The following EEIG2 variants were observed in gnomAD, a reference collection of about 807,000 sequenced individuals.
EEIG2 encodes EEIG family member 2.
chr1:108,610,409 C>G, the EEIG2 span, among the ~76,000 whole-genome samples: 666 of 152,214 alleles, frequency 4.4e-3, 2 homozygotes, highest in African/African-American at 0.015. Flanking sequence ...GTTAAGTGCT[C>G]TTTTGATTGC....
the EEIG2 span, among the ~76,000 whole-genome samples, chr1:108,561,701 C>T: frequency 6.6e-6 from 1 of 152,218 alleles, no homozygotes; most frequent in Admixed American, 6.5e-5. Flanking sequence ...TGTGGTGACA[C>T]ATCAGTGGAT....
the EEIG2 span, chr1:108,636,952 T>C: frequency 1.3e-5 from 2 of 152,216 alleles, no homozygotes; most frequent in African/African-American, 4.8e-5. Flanking sequence ...ATATTTTTAT[T>C]GGTGCTGTGC....
At chr1:108,615,403 C>A in the EEIG2 span, among the ~76,000 whole-genome samples, 12 of 152,208 alleles carry the variant, frequency 7.9e-5, no homozygotes, top group African/African-American at 2.6e-4. Flanking sequence ...CCCATAAGAA[C>A]ATAAAGAGGT....
the EEIG2 span, chr1:108,560,437 G>A: frequency 6.2e-7 from 1 of 1,607,840 alleles, no homozygotes; most frequent in Non-Finnish European, 8.5e-7. Context: ...CGATGATGAA[G>A]AAGAAGAAGT....
At chr1:108,593,121 G>A in the EEIG2 span, among the ~76,000 whole-genome samples, 12 of 152,232 alleles carry the variant, frequency 7.9e-5, 1 homozygote, top group South Asian at 2.3e-3. Flanking sequence ...TCACACCACT[G>A]CACTCAGCCT....
At chr1:108,601,558 T>A in the EEIG2 span, among the ~76,000 whole-genome samples, 13,215 of 151,736 alleles carry the variant, frequency 0.087, 668 homozygotes, top group Middle Eastern at 0.2. Flanking sequence ...TATAAACATT[T>A]TATGCATTAC....
At chr1:108,628,492 T>G in the EEIG2 span, 1 of 1,614,064 alleles carries the variant, frequency 6.2e-7, no homozygotes, top group South Asian at 1.1e-5. Flanking sequence ...TTGAAAGTAT[T>G]CTAGAGCCAT....
At chr1:108,571,155 C>G in the EEIG2 span, among the ~76,000 whole-genome samples, 5,498 of 152,224 alleles carry the variant, frequency 0.036, 146 homozygotes, top group Non-Finnish European at 0.056. Flanking sequence ...TCACATCAAC[C>G]TGGAGGGGAA....
the EEIG2 span, among the ~76,000 whole-genome samples, chr1:108,595,398 A>G: frequency 4.4e-5 from 6 of 137,888 alleles, no homozygotes; most frequent in African/African-American, 1.7e-4. Flanking sequence ...GAAGGAAGGA[A>G]GGAGCGAGCT....
the EEIG2 span, among the ~76,000 whole-genome samples, chr1:108,581,217 A>G: frequency 4.4e-5 from 5 of 113,672 alleles, no homozygotes; most frequent in Non-Finnish European, 6.7e-5. Context: ...TACTGCTCAG[A>G]AAAAAAAAGA....
the EEIG2 span, among the ~76,000 whole-genome samples, chr1:108,561,136 A>G: frequency 6.6e-6 from 1 of 152,314 alleles, no homozygotes; most frequent in Non-Finnish European, 1.5e-5. Context: ...TTAGTCTTGA[A>G]GTGGCCACTA....
chr1:108,602,400 C>T, the EEIG2 span, among the ~76,000 whole-genome samples: 4 of 152,140 alleles, frequency 2.6e-5, no homozygotes, highest in African/African-American at 9.7e-5. Flanking sequence ...GCCTAATGTC[C>T]AGCAGCCTCA....
the EEIG2 span, among the ~76,000 whole-genome samples, chr1:108,562,655 CAT>C: frequency 2.6e-5 from 4 of 152,132 alleles, no homozygotes; most frequent in African/African-American, 4.8e-5. Context: ...CCATCACTGA[CAT>C]GTGGTGGTGT....
the EEIG2 span, among the ~76,000 whole-genome samples, chr1:108,617,447 T>C: frequency 6.6e-6 from 1 of 152,112 alleles, no homozygotes; most frequent in Non-Finnish European, 1.5e-5. Context: ...GAGGAACAAA[T>C]TGGGAGCTTG....
the EEIG2 span, among the ~76,000 whole-genome samples, chr1:108,633,933 C>G: frequency 6.6e-6 from 1 of 152,176 alleles, no homozygotes; most frequent in African/African-American, 2.4e-5. Flanking sequence ...CCTCTCTGCA[C>G]TGCAGGCTCG....
chr1:108,569,389 C>T, the EEIG2 span, among the ~76,000 whole-genome samples: 5 of 152,158 alleles, frequency 3.3e-5, no homozygotes, highest in Admixed American at 2.6e-4. Context: ...TGCAGTGGCA[C>T]GATGATAGCT....
chr1:108,612,957 G>C, the EEIG2 span, among the ~76,000 whole-genome samples: 108 of 152,312 alleles, frequency 7.1e-4, no homozygotes, highest in African/African-American at 2.5e-3. Context: ...GTGTTCAAAA[G>C]TTAGTGAAGC....
chr1:108,592,110 C>T, the EEIG2 span, among the ~76,000 whole-genome samples: 2 of 152,150 alleles, frequency 1.3e-5, no homozygotes, highest in Non-Finnish European at 2.9e-5. Flanking sequence ...GAAGATAGAT[C>T]TGAGCGGGGA....
chr1:108,636,268 T>A, the EEIG2 span: 1 of 152,234 alleles, frequency 6.6e-6, no homozygotes, highest in South Asian at 2.1e-4. Context: ...GCACAGCAGA[T>A]AAACCTTAGA....
Sources: gnomAD v4.1 joint callset for allele counts (sites outside exome capture counted in the v4.1 genomes callset) on GRCh38, gnomAD v4.1.1 for gene constraint, MANE v1.5 for transcripts, NCBI Gene and HGNC (gene_info 2026-07-23, HGNC 2026-07-21) for gene names.